CPZ: variants seen among roughly 807,000 people sequenced by gnomAD.
CPZ encodes VEZT/CPZ fusion.
A neutral mutation model predicts 61.8 loss-of-function variants in CPZ; 103 were observed. The ratio of observed to expected loss-of-function variants is 1.67; its 90% CI spans 1.42 to 1.96. The LOEUF (loss-of-function observed/expected upper bound fraction) is 1.96. CPZ is among the 30% of genes most tolerant of loss of function. The pLI, the probability that CPZ is intolerant of heterozygous loss-of-function variation, is 0.00. For missense variants in CPZ, 1,461 were observed against 914.9 expected, an observed-to-expected ratio of 1.60 and a Z score of -7.70; for synonymous variants, 551 against 373.7, an observed-to-expected ratio of 1.47 and a Z score of -5.47.
intron 1 of CPZ, among the ~76,000 whole-genome samples, chr4:8,594,327 C>T (rs932015373): frequency 5.3e-5 from 8 of 152,224 alleles, no homozygotes; most frequent in East Asian, 1.9e-4. Context: ...GTCCCTGTCT[C>T]GCCATCTGGG....
chr4:8,609,127 T>TTCGC (rs1553877616), intron 7 of CPZ, among the ~76,000 whole-genome samples: 1 of 139,362 alleles, frequency 7.2e-6, no homozygotes, highest in Admixed American at 7.0e-5. Context: ...CCCTCACTCA[T>TTCGC]TCACTCATTT....
chr4:8,606,942 AG>A (rs1560295758), intron 6 of CPZ, 44 bp downstream of exon 6: 2 of 1,541,394 alleles, frequency 1.3e-6, no homozygotes, highest in East Asian at 4.9e-5. Context: ...CAAGGCATCC[AG>A]GGGTCCCTAG....
chr4:8,609,123 C>T (rs867895260), intron 7 of CPZ, among the ~76,000 whole-genome samples: 710 of 48,546 alleles, frequency 0.015, 7 homozygotes, highest in African/African-American at 0.051. Flanking sequence ...CACTCCCTCA[C>T]TCATTCACTC....
intron 1 of CPZ, among the ~76,000 whole-genome samples, chr4:8,593,422 C>T (rs2109307444): frequency 6.6e-6 from 1 of 152,300 alleles, no homozygotes. Context: ...CGTGGGCCCC[C>T]TGGAGGGATC....
At chr4:8,601,028 C>T in intron 2 of CPZ, 95 bp from the exon 3 acceptor site, 1 of 1,458,318 alleles carries the variant, frequency 6.9e-7, no homozygotes, top group South Asian at 1.5e-5. Flanking sequence ...TCCCTGCAGG[C>T]CCTGGCCCTG....
chr4:8,605,623 CATCATTGATAT>C (rs140913486), intron 4 of CPZ, among the ~76,000 whole-genome samples: 1 of 111,626 alleles, frequency 9.0e-6, no homozygotes, highest in South Asian at 3.3e-4. Flanking sequence ...TCCATCCATC[CATCATTGATAT>C]ATCCATTCAT....
rs965813838 is a variant in CPZ, at chr4:8,604,779, C to A, written c.709+591C>A. Among the ~76,000 whole-genome samples the A allele has an allele frequency of 3.3e-5, 5 of 152,250 alleles. No homozygotes were observed. The East Asian group carries it at 9.6e-4, about 29-fold the overall frequency. ...AATCGGTTATTTTAGAAGCAGCCTC[C>A]ATTTGACCCTTGGTCATCACCAGTT... On this transcript the variant is annotated intron_variant, in intron 4 of 10. Transcript: ENST00000360986.
intron 1 of CPZ, 44 bp downstream of exon 1, chr4:8,592,965 A>T: frequency 7.1e-7 from 1 of 1,410,212 alleles, no homozygotes; most frequent in African/African-American, 1.4e-5. Flanking sequence ...CCACCCTGCA[A>T]CCTCTGGGGA....
chr4:8,599,573 G>T, intron 2 of CPZ, 88 bp downstream of exon 2: 1 of 1,575,102 alleles, frequency 6.3e-7, no homozygotes, highest in South Asian at 1.2e-5. Context: ...CTGAATCCGT[G>T]ATTTCAGAAG....
chr4:8,610,367 C>T (rs531269127), intron 7 of CPZ, among the ~76,000 whole-genome samples: 13 of 152,284 alleles, frequency 8.5e-5, no homozygotes, highest in Non-Finnish European at 1.5e-4. Context: ...GACTGGTGGT[C>T]GGCAGCCACC....
Position 8,619,555 on chromosome 4 carries a change from T to C in CPZ, c.1897T>C (p.Trp633Arg), listed in dbSNP as rs780550478. Residue 633 changes from tryptophan to arginine, a missense_variant, in exon 11 of 11, where the codon TGG becomes CGG. Physicochemically the swap from Trp to Arg is moderately radical, Grantham distance 101. Transcript: ENST00000360986. ...RQPSADGSKP[W>R]WWSYFTSLST... ...GCCCTCGGCCGACGGGAGTAAGCCC[T>C]GGTGGTGGTCCTACTTCACATCGCT... 31 of 1,553,876 alleles carry C rather than the reference T, an allele frequency of 2.0e-5. No homozygotes were observed. In the Admixed American group the frequency reaches 5.7e-4, roughly 28 times the overall value.
At chr4:8,593,276 C>T (rs1351131152) in intron 1 of CPZ, among the ~76,000 whole-genome samples, 1 of 152,134 alleles carries the variant, frequency 6.6e-6, no homozygotes, top group East Asian at 1.9e-4. Flanking sequence ...GGTGAGAGGC[C>T]ATCTAAGGTC....
intron 9 of CPZ, 92 bp from the exon 10 acceptor site, chr4:8,618,337 G>A (rs1716378291): frequency 8.0e-7 from 1 of 1,244,314 alleles, no homozygotes; most frequent in Admixed American, 1.7e-5. Context: ...TAGATACCAA[G>A]CTCTGAGGAG....
chr4:8,610,872 G>C (rs1167335270), intron 7 of CPZ, among the ~76,000 whole-genome samples: 1 of 152,278 alleles, frequency 6.6e-6, no homozygotes, highest in East Asian at 1.9e-4. Context: ...CTTCTGAGAA[G>C]CTGGACCCAT....
intron 1 of CPZ, among the ~76,000 whole-genome samples, chr4:8,593,383 C>T (rs927894166): frequency 2.0e-5 from 3 of 152,168 alleles, no homozygotes; most frequent in Non-Finnish European, 4.4e-5. Context: ...AGCAAGTCTC[C>T]GGAAGTGGCC....
intron 8 of CPZ, 34 bp downstream of exon 8, chr4:8,612,196 G>GA: frequency 2.6e-6 from 1 of 378,608 alleles, no homozygotes; most frequent in Non-Finnish European, 4.4e-6. Context: ...TGGGCGGGGG[G>GA]TGGGGGGTGC....
At chr4:8,608,197 T>G (rs1224295331) in intron 7 of CPZ, among the ~76,000 whole-genome samples, 2 of 145,556 alleles carry the variant, frequency 1.4e-5, no homozygotes, top group African/African-American at 5.0e-5. Context: ...GAACTGCCCC[T>G]AGTGGTCCCC....
At chr4:8,615,143 G>C (rs549694803) in intron 9 of CPZ, among the ~76,000 whole-genome samples, 1 of 152,078 alleles carries the variant, frequency 6.6e-6, no homozygotes, top group Admixed American at 6.6e-5. Context: ...GGGGCAGGGC[G>C]TCCTGACTGA....
In CPZ at chr4:8,619,560, G is replaced by A. The variant is rs769059721; in HGVS notation, c.1902G>A (p.Trp634Ter). The A allele has an allele frequency of 3.9e-6, 6 of 1,549,592 alleles. No homozygotes were observed. The highest frequency in any genetic ancestry group is 1.4e-5 in the African/African-American group (1 of 72,986). Residue 634 changes from tryptophan to a stop codon, truncating the protein, a stop_gained, in exon 11 of 11, where the codon TGG becomes TGA. Transcript: ENST00000360986. LOFTEE classifies it high-confidence loss of function. ...QPSADGSKPW[W>*]WSYFTSLSTH... Reference sequence around the variant, plus strand: ...CGGCCGACGGGAGTAAGCCCTGGTGGTGGTCCTACTTCACATCGCTGAGCA... The same window carrying A: ...CGGCCGACGGGAGTAAGCCCTGGTGATGGTCCTACTTCACATCGCTGAGCA...
Sources: allele counts gnomAD v4.1 joint callset (sites outside exome capture counted in the v4.1 genomes callset), GRCh38; gene constraint gnomAD v4.1.1; transcripts MANE v1.5; gene names NCBI Gene and HGNC (gene_info 2026-07-23, HGNC 2026-07-21).